The following ANKHD1 variants were observed in gnomAD, a reference collection of about 807,000 sequenced individuals.
ANKHD1 encodes the protein ankyrin repeat and KH domain containing 1.
In ANKHD1, 31 loss-of-function variants were observed where a neutral mutation model predicts 230.5. The observed-to-expected ratio is 0.13, with a 90% confidence interval of 0.10 to 0.18. The LOEUF (loss-of-function observed/expected upper bound fraction) is 0.18, where lower values mean the gene tolerates loss of function less well. Among genes scored for constraint, ANKHD1 ranks in the 10% least tolerant of loss-of-function variants. ANKHD1 has a pLI of 1.00. For synonymous variants in ANKHD1, 1,074 were observed against 1,117.6 expected (o/e 0.96, Z 0.78); for missense variants, 2,256 against 3,071.3 (o/e 0.73, Z 6.27).
intron 7 of ANKHD1, among the ~76,000 whole-genome samples, chr5:140,456,798 C>A (rs1465969664): frequency 1.3e-5 from 2 of 152,164 alleles, no homozygotes; most frequent in African/African-American, 4.8e-5. Context: ...TAGGCTTGGG[C>A]AAGGACTTCA....
In ANKHD1 at chr5:140,507,021, C is replaced by A. The variant is rs115552134; in HGVS notation, c.3551+44C>A. 6.2e-7 allele frequency: 1 copy of A among 1,600,320 alleles called. No homozygotes were observed. Among genetic ancestry groups the A allele is most frequent in the Admixed American group, 1.8e-5 (1 of 56,530 alleles). ...ATTGTTCATGTTTAGTAAGTTACTACTTTGGACTTAAATGTCTACCTCTTA... is the reference window on the plus strand; with the variant it reads ...ATTGTTCATGTTTAGTAAGTTACTAATTTGGACTTAAATGTCTACCTCTTA... On this transcript the variant is annotated intron_variant, in intron 19 of 33. Coordinates refer to ENST00000360839, the MANE Select transcript of ANKHD1 (RefSeq NM_017747.3). This position sits in a 1 kb window ranked among gnomAD's most constrained non-coding sequence, Gnocchi z 4.1.
At chr5:140,427,283 C>T (rs1772530593) in intron 1 of ANKHD1, among the ~76,000 whole-genome samples, 1 of 147,438 alleles carries the variant, frequency 6.8e-6, no homozygotes, top group Non-Finnish European at 1.5e-5. Context: ...GCTGACCCCC[C>T]CACCTCCCTC....
At chr5:140,423,213 T>A (rs188785966) in intron 1 of ANKHD1, among the ~76,000 whole-genome samples, 20 of 152,330 alleles carry the variant, frequency 1.3e-4, no homozygotes, top group Non-Finnish European at 2.6e-4. Context: ...ATTCAAATTA[T>A]ATTTGTCATT....
At chr5:140,418,002 G>C (rs530135140) in intron 1 of ANKHD1, among the ~76,000 whole-genome samples, 2 of 151,478 alleles carry the variant, frequency 1.3e-5, no homozygotes, top group African/African-American at 4.9e-5. Context: ...ACCACGCCCG[G>C]CTAGTTTTTT....
rs1656331682 is a variant in ANKHD1, at chr5:140,528,562, A to G, written c.5616A>G (p.Leu1872=). ...TGCAACAGATTCGGCATCCTCGCTTACCCATGGCCCAGTTTGGAGGAACCT... is the reference window on the plus strand; with the variant it reads ...TGCAACAGATTCGGCATCCTCGCTTGCCCATGGCCCAGTTTGGAGGAACCT... The part of the protein sequence containing the change: ...QTMQQIRHPR[L]PMAQFGGTFS... Residue 1872 remains leucine, a synonymous_variant, in exon 29 of 34, where the codon TTA becomes TTG. Coordinates refer to ENST00000360839, the MANE Select transcript of ANKHD1 (RefSeq NM_017747.3). The G allele has an allele frequency of 6.2e-7, 1 of 1,614,088 alleles. No individual in the cohort carries two copies.
chr5:140,492,004 GA>G (rs1200751743), intron 14 of ANKHD1, among the ~76,000 whole-genome samples: 1 of 152,166 alleles, frequency 6.6e-6, no homozygotes, highest in African/African-American at 2.4e-5. Context: ...GTGGAAACGA[GA>G]TTGAAAACAG....
At chr5:140,459,441 A>G in intron 9 of ANKHD1, 86 bp downstream of exon 9, 2 of 1,403,158 alleles carry the variant, frequency 1.4e-6, no homozygotes, top group Non-Finnish European at 9.4e-7. Flanking sequence ...TTGAGCTCCT[A>G]GTAGATAATA....
chr5:140,440,907 A>G, intron 4 of ANKHD1, 88 bp from the exon 5 acceptor site: 4 of 1,350,066 alleles, frequency 3.0e-6, no homozygotes, highest in Non-Finnish European at 3.8e-6. Context: ...ATTCTAGAAG[A>G]ATATCTTCAG....
At chr5:140,499,606 A>G (rs963294045) in intron 15 of ANKHD1, among the ~76,000 whole-genome samples, 2 of 152,102 alleles carry the variant, frequency 1.3e-5, no homozygotes, top group Admixed American at 6.6e-5. Context: ...TAATGTTGCA[A>G]CTTGATTAGC....
chr5:140,484,983 A>T, intron 11 of ANKHD1, 138 bp from the exon 12 acceptor site: 4 of 1,323,338 alleles, frequency 3.0e-6, no homozygotes, highest in Non-Finnish European at 3.9e-6. Context: ...TTGTGAAAAA[A>T]ATTCAAACTA....
At chr5:140,534,208 T>TG (rs1266070944) in intron 29 of ANKHD1, among the ~76,000 whole-genome samples, 1 of 152,038 alleles carries the variant, frequency 6.6e-6, no homozygotes, top group Non-Finnish European at 1.5e-5. Flanking sequence ...CTGGCCAACA[T>TG]GGGGAAACCC....
chr5:140,461,570 C>A (rs918655314), intron 9 of ANKHD1, among the ~76,000 whole-genome samples: 4 of 152,118 alleles, frequency 2.6e-5, no homozygotes, highest in African/African-American at 9.7e-5. Flanking sequence ...TCCTAAGAAT[C>A]CATCACCTAG....
At position 140,482,661 on chromosome 5, in the gene ANKHD1, A is replaced by G. The variant is rs752897490; in HGVS notation, c.1864A>G (p.Ser622Gly). The G allele has an allele frequency of 6.2e-7, 1 of 1,612,124 alleles. No individual in the cohort carries two copies. The highest frequency in any genetic ancestry group is 1.1e-5 in the South Asian group (1 of 90,746). ...TTTGTGCACTGTGCAGTTTCTTATT[A>G]GCAAAGGTAAAGAAAGGGCAAGTGA... ...GHLCTVQFLI[S>G]KGANVNRATA... Residue 622 changes from serine to glycine, a missense_variant, in exon 11 of 34, where the codon AGC becomes GGC. Around this residue, in one of 13 missense-constraint regions of ANKHD1, gnomAD observed 179 missense variants for 261.8 expected, o/e 0.68. Transcript: ENST00000360839.
intron 5 of ANKHD1, among the ~76,000 whole-genome samples, chr5:140,443,707 CAAAA>C (rs1050868585): frequency 6.6e-6 from 1 of 150,918 alleles, no homozygotes; most frequent in African/African-American, 2.4e-5. Context: ...GAAAAATACT[CAAAA>C]AAGAGGGTAC....
rs774829953 is a variant in ANKHD1, at chr5:140,506,948, G to C, written c.3522G>C (p.Leu1174=). 1 of 1,613,904 alleles carries C rather than the reference G, an allele frequency of 6.2e-7. No individual in the cohort carries two copies. Among genetic ancestry groups the C allele is most frequent in the Admixed American group, 1.7e-5 (1 of 59,944 alleles). Residue 1174 remains leucine (L), a synonymous_variant, in exon 19 of 34, where the codon CTG becomes CTC. Coordinates refer to ENST00000360839, the MANE Select transcript of ANKHD1 (RefSeq NM_017747.3). This position sits in a 1 kb window ranked among gnomAD's most constrained non-coding sequence, Gnocchi z 4.7. ...GATATGTTAATATCATTAAGATTCT[G>C]CTTAATGCTGGGGCAGAAATTAATT... The part of the protein sequence containing the change: ...SGGYVNIIKI[L]LNAGAEINSR...
intron 5 of ANKHD1, among the ~76,000 whole-genome samples, chr5:140,441,478 A>C (rs1343562025): frequency 6.6e-6 from 1 of 152,198 alleles, no homozygotes; most frequent in Non-Finnish European, 1.5e-5. Flanking sequence ...ACAGAAAGGA[A>C]AGTATTGCAT....
At chr5:140,477,781 T>C (rs1024802508) in intron 10 of ANKHD1, among the ~76,000 whole-genome samples, 1 of 152,126 alleles carries the variant, frequency 6.6e-6, no homozygotes, top group African/African-American at 2.4e-5. Context: ...CTGGGTAATT[T>C]TTGTATTTTT....
intron 7 of ANKHD1, among the ~76,000 whole-genome samples, chr5:140,454,010 T>C (rs932915757): frequency 3.9e-5 from 6 of 152,106 alleles, no homozygotes; most frequent in African/African-American, 1.2e-4. Context: ...AATAAAGGGA[T>C]GGAGTAAGAC....
chr5:140,514,011 A>C (rs1752874798), intron 24 of ANKHD1, among the ~76,000 whole-genome samples: 1 of 150,882 alleles, frequency 6.6e-6, no homozygotes, highest in Non-Finnish European at 1.5e-5. Flanking sequence ...GTGAGACCCC[A>C]TCTCTACAAA....
Sources: allele counts gnomAD v4.1 joint callset (sites outside exome capture counted in the v4.1 genomes callset), GRCh38; gene constraint gnomAD v4.1.1; regional missense constraint gnomAD v4.1.1; non-coding constraint Gnocchi (gnomAD v3.1); transcripts MANE v1.5; gene names NCBI Gene and HGNC (gene_info 2026-07-23, HGNC 2026-07-21).